The following FAM13A variants were observed in gnomAD, a reference collection of about 807,000 sequenced individuals.
The protein encoded by FAM13A is family with sequence similarity 13 member A, also known as protein FAM13A.
In FAM13A, 76 loss-of-function variants were observed where a neutral mutation model predicts 129.6. The ratio of observed to expected loss-of-function variants is 0.59; its 90% CI spans 0.49 to 0.71. The LOEUF (loss-of-function observed/expected upper bound fraction) is 0.71, where lower values mean the gene tolerates loss of function less well. Ranked by LOEUF, FAM13A falls within the 30% of genes least tolerant of loss-of-function variation. FAM13A has a pLI of 0.00. For synonymous variants in FAM13A, 443 were observed against 449.9 expected (o/e 0.98, Z 0.20); for missense variants, 1,108 against 1,249.3 (o/e 0.89, Z 1.70).
chr4:88,949,369 T>C (rs1756541205), intron 4 of FAM13A, among the ~76,000 whole-genome samples: 1 of 152,258 alleles, frequency 6.6e-6, no homozygotes, highest in South Asian at 2.1e-4. Flanking sequence ...TCCATGCAGA[T>C]ACTATGTCCT....
chr4:88,818,252 C>A (rs1406896966), intron 7 of FAM13A, among the ~76,000 whole-genome samples: 2 of 152,082 alleles, frequency 1.3e-5, no homozygotes, highest in Non-Finnish European at 2.9e-5. Flanking sequence ...CCCCCCCGGA[C>A]TTGGCCTTCC....
intron 3 of FAM13A, among the ~76,000 whole-genome samples, chr4:88,993,747 T>A (rs1763203585): frequency 6.6e-6 from 1 of 152,114 alleles, no homozygotes; most frequent in Admixed American, 6.5e-5. Context: ...ACGCCTGTAA[T>A]CCCAGCACTT....
intron 5 of FAM13A, among the ~76,000 whole-genome samples, chr4:88,916,265 A>G (rs1750102374): frequency 6.6e-6 from 1 of 152,204 alleles, no homozygotes; most frequent in Non-Finnish European, 1.5e-5. Flanking sequence ...AAAGACATCA[A>G]GCATCATTAA....
At chr4:89,017,403 T>G (rs1038871203) in intron 3 of FAM13A, among the ~76,000 whole-genome samples, 2 of 152,176 alleles carry the variant, frequency 1.3e-5, no homozygotes, top group African/African-American at 4.8e-5. Context: ...TTCTGATGAC[T>G]GAGGAATCAC....
intron 14 of FAM13A, among the ~76,000 whole-genome samples, chr4:88,752,433 T>C (rs948992316): frequency 2.6e-5 from 4 of 152,184 alleles, no homozygotes; most frequent in Non-Finnish European, 4.4e-5. Flanking sequence ...ATTAACTTTA[T>C]ATGGAATGAA....
intron 6 of FAM13A, among the ~76,000 whole-genome samples, chr4:88,887,798 G>T (rs1744699518): frequency 6.6e-6 from 1 of 152,156 alleles, no homozygotes; most frequent in Non-Finnish European, 1.5e-5. Context: ...CTCCCAACGT[G>T]CTGGGATTAC....
chr4:88,917,538 A>G (rs1323218859), intron 5 of FAM13A, among the ~76,000 whole-genome samples: 1 of 152,130 alleles, frequency 6.6e-6, no homozygotes, highest in Non-Finnish European at 1.5e-5. Flanking sequence ...ACTGCTGCCC[A>G]TCATCAAATT....
chr4:88,996,074 G>A (rs1035142323), intron 3 of FAM13A, among the ~76,000 whole-genome samples: 32 of 152,212 alleles, frequency 2.1e-4, no homozygotes, highest in African/African-American at 7.0e-4. Context: ...AACAGCACAC[G>A]CAAAGGGCCT....
At chr4:88,750,333 T>C (rs1742301555) in intron 15 of FAM13A, 91 bp downstream of exon 15, 6 of 1,071,608 alleles carry the variant, frequency 5.6e-6, no homozygotes, top group Non-Finnish European at 8.6e-6. Flanking sequence ...CACGACTTAA[T>C]TAAAAAAAAT....
At chr4:89,015,965 TACATACATATACAC>T (rs1211589448) in intron 3 of FAM13A, among the ~76,000 whole-genome samples, 21 of 152,154 alleles carry the variant, frequency 1.4e-4, no homozygotes, top group Admixed American at 1.2e-3. Context: ...CACATATACA[TACATACATATACAC>T]ATGTGTATGT....
At chr4:89,052,668 A>C (rs1771762096) in intron 1 of FAM13A, among the ~76,000 whole-genome samples, 1 of 152,004 alleles carries the variant, frequency 6.6e-6, no homozygotes, top group African/African-American at 2.4e-5. Context: ...GCTGATACAT[A>C]TTAATTTCCT....
chr4:89,018,693 G>A (rs1047302032), intron 3 of FAM13A, among the ~76,000 whole-genome samples: 1 of 152,224 alleles, frequency 6.6e-6, no homozygotes, highest in African/African-American at 2.4e-5. Flanking sequence ...TAGAGAGTGA[G>A]GATTTCTTTG....
chr4:88,967,950 G>A (rs1238048040), intron 4 of FAM13A, among the ~76,000 whole-genome samples: 4 of 152,260 alleles, frequency 2.6e-5, no homozygotes, highest in East Asian at 1.9e-4. Context: ...GACAGGCTGT[G>A]GTGGTAGTGT....
intron 7 of FAM13A, among the ~76,000 whole-genome samples, chr4:88,808,248 A>C (rs993872861): frequency 6.6e-6 from 1 of 152,158 alleles, no homozygotes; most frequent in Admixed American, 6.6e-5. Flanking sequence ...AAATAAATTT[A>C]ATGCATTGAC....
intron 5 of FAM13A, among the ~76,000 whole-genome samples, chr4:88,926,126 G>C (rs1431416006): frequency 6.6e-6 from 1 of 152,038 alleles, no homozygotes; most frequent in Non-Finnish European, 1.5e-5. Flanking sequence ...GGGAGAGCTC[G>C]GGCAACAGTG....
At chr4:88,976,073 C>T (rs1196163046) in intron 4 of FAM13A, among the ~76,000 whole-genome samples, 1 of 152,106 alleles carries the variant, frequency 6.6e-6, no homozygotes, top group South Asian at 2.1e-4. Flanking sequence ...TAAGTAAGAT[C>T]GTGAATGTAG....
At chr4:88,864,520 T>C (rs1037997272) in intron 6 of FAM13A, among the ~76,000 whole-genome samples, 1 of 152,232 alleles carries the variant, frequency 6.6e-6, no homozygotes, top group Admixed American at 6.5e-5. Context: ...GCTATTCTCC[T>C]GCCTCAGCCT....
chr4:88,945,654 CTGTT>C (rs946247660), intron 4 of FAM13A, among the ~76,000 whole-genome samples: 16 of 151,562 alleles, frequency 1.1e-4, no homozygotes, highest in East Asian at 1.9e-4. Context: ...CCTAATGCGA[CTGTT>C]TGTTCAAATT....
intron 7 of FAM13A, chr4:88,823,173 C>T (rs1732372725): frequency 1.4e-6 from 2 of 1,469,436 alleles, no homozygotes; most frequent in Non-Finnish European, 1.8e-6. Context: ...TCTACTGCTG[C>T]TCTCAGCCTC....
Sources: gnomAD v4.1 joint callset for allele counts (sites outside exome capture counted in the v4.1 genomes callset) on GRCh38, gnomAD v4.1.1 for gene constraint, MANE v1.5 for transcripts, NCBI Gene and HGNC (gene_info 2026-07-23, HGNC 2026-07-21) for gene names.